FSHR: variants seen among roughly 807,000 people sequenced by gnomAD.
The protein encoded by FSHR is follicle-stimulating hormone receptor.
FSHR carries 46 observed loss-of-function variants against 52.1 expected under a neutral mutation model. The ratio of observed to expected loss-of-function variants is 0.88; its 90% CI spans 0.70 to 1.13. The LOEUF is 1.13. Among genes scored for constraint, FSHR ranks in the 50% most tolerant of loss-of-function variants. The probability of loss-of-function intolerance (pLI) is 0.00; values close to 1 mark genes in which losing one functional copy is unlikely to be tolerated. For missense variants in FSHR, 964 were observed against 834.6 expected (o/e 1.16, Z -1.91); for synonymous variants, 399 against 309.6 (o/e 1.29, Z -3.03).
At chr2:48,966,680 T>C (rs567038826) in intron 9 of FSHR, among the ~76,000 whole-genome samples, 71 of 152,330 alleles carry the variant, frequency 4.7e-4, no homozygotes, top group African/African-American at 1.6e-3. Flanking sequence ...AAGGAATAAA[T>C]CTGAAATTAT....
At chr2:49,152,251 G>A (rs1673088483) in intron 1 of FSHR, among the ~76,000 whole-genome samples, 1 of 152,118 alleles carries the variant, frequency 6.6e-6, no homozygotes, top group Non-Finnish European at 1.5e-5. Flanking sequence ...CCTTTGTCAA[G>A]AATGTGAAAT....
At chr2:49,066,482 G>A (rs1015307496) in intron 2 of FSHR, among the ~76,000 whole-genome samples, 7 of 152,082 alleles carry the variant, frequency 4.6e-5, no homozygotes, top group African/African-American at 1.7e-4. Context: ...CTCAGGTTCA[G>A]TTCAGTGCTG....
chr2:48,968,851 G>T lies in FSHR; in HGVS notation c.701C>A (p.Pro234His). The part of the protein sequence containing the change: ...DISRTRIHSL[P>H]SYGLENLKKL... ...CTTAAGATTTTCTAAGCCATAGCTA[G>T]GCAGGGAATGGATCCTTGTTCTTGA... The change falls in exon 9 of 10, where the codon CCT (proline) becomes CAT (histidine). Residue 234 changes from proline (P) to histidine (H), a missense_variant. Pro to His is a moderately conservative substitution (Grantham distance 77). Transcript: ENST00000406846. The T allele has an allele frequency of 6.2e-7, 1 of 1,613,934 alleles. No individual in the cohort carries two copies. Among genetic ancestry groups the T allele is most frequent in the Non-Finnish European group, 8.5e-7 (1 of 1,179,960 alleles).
chr2:49,077,813 T>C (rs1670002529), intron 1 of FSHR, among the ~76,000 whole-genome samples: 1 of 152,208 alleles, frequency 6.6e-6, no homozygotes. Context: ...CCAGTCTTTT[T>C]GCTAAAACAT....
intron 1 of FSHR, among the ~76,000 whole-genome samples, chr2:49,127,648 C>T (rs922514871): frequency 6.6e-6 from 1 of 152,094 alleles, no homozygotes; most frequent in African/African-American, 2.4e-5. Flanking sequence ...GATACACACT[C>T]TCATCTTGCC....
intron 2 of FSHR, among the ~76,000 whole-genome samples, chr2:49,036,154 G>C (rs1039140579): frequency 6.6e-6 from 1 of 152,116 alleles, no homozygotes; most frequent in African/African-American, 2.4e-5. Context: ...AACATCTGTA[G>C]CCATGATTAT....
intron 2 of FSHR, among the ~76,000 whole-genome samples, chr2:49,023,891 G>C (rs1317776587): frequency 1.3e-5 from 2 of 152,136 alleles, no homozygotes; most frequent in African/African-American, 4.8e-5. Flanking sequence ...GGGTTTCAGA[G>C]CCATTATGAA....
At chr2:49,141,603 C>T (rs1306239043) in intron 1 of FSHR, among the ~76,000 whole-genome samples, 5 of 152,128 alleles carry the variant, frequency 3.3e-5, no homozygotes, top group Non-Finnish European at 7.4e-5. Context: ...ATTATGTTTC[C>T]ATGTGAGATT....
In FSHR at chr2:48,990,561, C is replaced by A; in HGVS notation, c.446+5G>T. ...AGTTGGTAGTCACTCAAGGAAAAAA[C>A]TTACAGTAAAACTTTTTGGAGAGAA... On this transcript the variant is annotated splice_donor_5th_base_variant and intron_variant, in intron 5 of 9. Coordinates refer to ENST00000406846, the MANE Select transcript of FSHR (RefSeq NM_000145.4). 6.3e-7 allele frequency: 1 copy of A among 1,595,886 alleles called. No individual in the cohort carries two copies. Among genetic ancestry groups the A allele is most frequent in the Non-Finnish European group, 8.6e-7 (1 of 1,163,486 alleles).
At chr2:49,099,200 A>G (rs761432558) in intron 1 of FSHR, among the ~76,000 whole-genome samples, 7 of 151,936 alleles carry the variant, frequency 4.6e-5, no homozygotes, top group Non-Finnish European at 8.8e-5. Flanking sequence ...CAATTCCCAC[A>G]TGTTGTGGGA....
At chr2:48,987,320 C>T (rs1159603897) in intron 6 of FSHR, among the ~76,000 whole-genome samples, 1 of 152,118 alleles carries the variant, frequency 6.6e-6, no homozygotes, top group African/African-American at 2.4e-5. Context: ...TCCCCTGCCT[C>T]ACCCTCCTGA....
intron 2 of FSHR, among the ~76,000 whole-genome samples, chr2:49,032,546 T>C (rs1242726528): frequency 3.3e-5 from 5 of 152,210 alleles, no homozygotes; most frequent in African/African-American, 7.2e-5. Flanking sequence ...TTGGAGTACA[T>C]AGTGACAAGA....
At position 49,129,496 on chromosome 2, in the gene FSHR, G is replaced by A. The variant is rs577449798; in HGVS notation, c.152+24770C>T. On this transcript the variant is annotated intron_variant, in intron 1 of 9. Transcript: ENST00000406846. ...TGCTTCTCTGTGTGCAGGGCTATTGGAAGCACTCAATCAGTCCTCACTGAT... is the reference window on the plus strand; with the variant it reads ...TGCTTCTCTGTGTGCAGGGCTATTGAAAGCACTCAATCAGTCCTCACTGAT... Among the ~76,000 whole-genome samples, 4 of 152,252 alleles carry A rather than the reference G, an allele frequency of 2.6e-5. No individual in the cohort carries two copies. The East Asian group carries it at 5.8e-4, about 22-fold the overall frequency.
intron 1 of FSHR, among the ~76,000 whole-genome samples, chr2:49,093,595 CTTT>C (rs375094387): frequency 7.5e-6 from 1 of 132,936 alleles, no homozygotes; most frequent in Admixed American, 7.9e-5. Flanking sequence ...TTATATTTAT[CTTT>C]TTTTTTTTTT....
At chr2:49,049,095 G>A (rs533613222) in intron 2 of FSHR, among the ~76,000 whole-genome samples, 5 of 151,812 alleles carry the variant, frequency 3.3e-5, no homozygotes, top group African/African-American at 1.2e-4. Flanking sequence ...AATCCCCAGA[G>A]CAGAGCCACA....
chr2:49,119,998 C>T (rs908806984), intron 1 of FSHR, among the ~76,000 whole-genome samples: 16 of 152,092 alleles, frequency 1.1e-4, no homozygotes, highest in Non-Finnish European at 1.5e-5. Flanking sequence ...GGCTGGGCAT[C>T]GTGGCTCACA....
intron 2 of FSHR, among the ~76,000 whole-genome samples, chr2:49,065,791 C>A (rs887807761): frequency 4.0e-5 from 6 of 151,890 alleles, no homozygotes; most frequent in African/African-American, 1.4e-4. Flanking sequence ...CCCTAGAATA[C>A]CTAAATTTTT....
rs1359884456 is a variant in FSHR, at chr2:49,010,153, T to C, written c.374+7336A>G. Among the ~76,000 whole-genome samples, 2 of 79,376 alleles carry C rather than the reference T, an allele frequency of 2.5e-5. 1 individual carries two copies. The highest frequency in any genetic ancestry group is 6.5e-5 in the Non-Finnish European group (2 of 30,758). 52.1% of individuals were successfully genotyped at this position (79,376 alleles called of 152,430 possible). On this transcript the variant is annotated intron_variant, in intron 4 of 9. Transcript: ENST00000406846. ...AGTTTTTGCCCATTCAGTATGATATTGGCTGTGGGTTTGTCATAGATAGCT... is the reference window on the plus strand; with the variant it reads ...AGTTTTTGCCCATTCAGTATGATATCGGCTGTGGGTTTGTCATAGATAGCT...
intron 4 of FSHR, among the ~76,000 whole-genome samples, chr2:49,011,308 G>C (rs901980108): frequency 2.6e-5 from 4 of 152,128 alleles, no homozygotes; most frequent in South Asian, 2.1e-4. Flanking sequence ...TTCAGGAGCA[G>C]GTTGTTCAGT....
Sources: allele counts gnomAD v4.1 joint callset (sites outside exome capture counted in the v4.1 genomes callset), GRCh38; gene constraint gnomAD v4.1.1; transcripts MANE v1.5; gene names NCBI Gene and HGNC (gene_info 2026-07-23, HGNC 2026-07-21).